Variants in METTL15 observed in about 807,000 individuals in gnomAD.
The protein encoded by METTL15 is 12S rRNA N(4)-cytidine methyltransferase METTL15.
METTL15 carries 34 observed loss-of-function variants against 38.3 expected under a neutral mutation model. That is an observed-to-expected ratio of 0.89 (90% CI 0.68 to 1.18). The LOEUF is 1.18. Among genes scored for constraint, METTL15 ranks in the 50% most tolerant of loss-of-function variants. METTL15 has a pLI of 0.00. For synonymous variants in METTL15, 162 were observed against 170.9 expected (o/e 0.95, Z 0.41); for missense variants, 438 against 498.4 (o/e 0.88, Z 1.15).
rs182848169 is a variant in METTL15 at position 28,402,559 on chromosome 11, A to C, written c.*359-21740A>C. Among the ~76,000 whole-genome samples the C allele has an allele frequency of 7.4e-4, 113 of 152,096 alleles. 3 individuals carry two copies. In the East Asian group the frequency reaches 0.02, roughly 27 times the overall value. The stretch of plus-strand genomic sequence containing the variant: ...TGACGTTCATCACTTGGAATTTCCC[A>C]AATATGGCTCTTGCTTCTGGACCCT... On this transcript the variant is annotated intron_variant and NMD_transcript_variant, in intron 5 of 7. Coordinates refer to the METTL15 transcript ENST00000532947.
chr11:28,468,313 C>T (rs193130346), intron 6 of METTL15, among the ~76,000 whole-genome samples: 2 of 152,082 alleles, frequency 1.3e-5, no homozygotes, highest in Admixed American at 6.6e-5. Context: ...TTGAGGGTAA[C>T]TCCCAGGAAA....
chr11:28,109,409 G>A (rs1851621998), intron 1 of METTL15, among the ~76,000 whole-genome samples: 1 of 152,026 alleles, frequency 6.6e-6, no homozygotes, highest in South Asian at 2.1e-4. Flanking sequence ...GACTTCCCAG[G>A]TATTTTATTA....
intron 3 of METTL15, among the ~76,000 whole-genome samples, chr11:28,158,988 G>C (rs1228970060): frequency 6.6e-6 from 1 of 152,122 alleles, no homozygotes; most frequent in Non-Finnish European, 1.5e-5. Context: ...TCAAGGGGTG[G>C]AAGTGGAAGT....
rs146714769 is a variant in METTL15 at position 28,494,556 on chromosome 11, C to T, written c.*425-31922C>T. ...CATCTTATCTCAGAAGATAACATCT[C>T]TCTGAGATGGAGAATGATATGGTTT... On this transcript the variant is annotated intron_variant and NMD_transcript_variant, in intron 6 of 7. Transcript: ENST00000532947. 9.2e-5 allele frequency among the ~76,000 whole-genome samples: 14 copies of T among 152,250 alleles called. No individual in the cohort carries two copies. The East Asian group carries it at 1.9e-3, about 21-fold the overall frequency.
chr11:28,441,279 A>T (rs1851032826), intron 6 of METTL15, among the ~76,000 whole-genome samples: 1 of 152,064 alleles, frequency 6.6e-6, no homozygotes, highest in East Asian at 1.9e-4. Context: ...GGGTTTCACC[A>T]TGTTGGCCAG....
intron 6 of METTL15, among the ~76,000 whole-genome samples, chr11:28,310,638 A>G (rs1197400010): frequency 6.6e-5 from 10 of 152,130 alleles, no homozygotes; most frequent in Admixed American, 6.5e-4. Context: ...AGTTACGGAT[A>G]CATTTGATCC....
At chr11:28,393,686 A>C (rs1047816945) in intron 5 of METTL15, among the ~76,000 whole-genome samples, 7 of 152,096 alleles carry the variant, frequency 4.6e-5, no homozygotes, top group African/African-American at 1.7e-4. Flanking sequence ...ACCAAGGCAG[A>C]AGCCATAATG....
At chr11:28,378,364 G>A (rs1850343840) in intron 5 of METTL15, among the ~76,000 whole-genome samples, 1 of 152,148 alleles carries the variant, frequency 6.6e-6, no homozygotes. Context: ...GTGGTGCATC[G>A]CTTTTTAAGC....
At chr11:28,301,721 G>A (rs1403313564) in intron 6 of METTL15, among the ~76,000 whole-genome samples, 1 of 151,996 alleles carries the variant, frequency 6.6e-6, no homozygotes, top group Non-Finnish European at 1.5e-5. Flanking sequence ...CTTTTTAAAT[G>A]TGGCTATAGA....
intron 4 of METTL15, among the ~76,000 whole-genome samples, chr11:28,212,478 T>TA (rs1237248497): frequency 2.0e-5 from 3 of 152,148 alleles, no homozygotes; most frequent in Admixed American, 1.3e-4. Flanking sequence ...TCATGAAGTA[T>TA]AGGCCTCTTT....
intron 6 of METTL15, among the ~76,000 whole-genome samples, chr11:28,471,193 C>T (rs1259652070): frequency 6.6e-6 from 1 of 152,024 alleles, no homozygotes; most frequent in Non-Finnish European, 1.5e-5. Flanking sequence ...GCCTGATTTC[C>T]TCCAGAGTAA....
At chr11:28,510,998 G>A (rs1192157611) in intron 6 of METTL15, among the ~76,000 whole-genome samples, 1 of 152,142 alleles carries the variant, frequency 6.6e-6, no homozygotes, top group East Asian at 1.9e-4. Flanking sequence ...TCTGAAGGGA[G>A]GCTAGTGATG....
downstream of METTL15, among the ~76,000 whole-genome samples, chr11:28,531,727 A>G (rs1851844208): frequency 6.6e-6 from 1 of 152,082 alleles, no homozygotes; most frequent in Admixed American, 6.6e-5. Flanking sequence ...TTATTAAATT[A>G]AAATTTAGTA....
chr11:28,462,479 TACACACACACACACACAC>T (rs10573384), intron 6 of METTL15, among the ~76,000 whole-genome samples: 89 of 146,428 alleles, frequency 6.1e-4, no homozygotes, highest in Admixed American at 8.2e-4. Flanking sequence ...CATACACGCT[TACACACACACACACACAC>T]ACACACACAC....
At chr11:28,267,382 A>G (rs534498083) in intron 4 of METTL15, among the ~76,000 whole-genome samples, 9 of 152,150 alleles carry the variant, frequency 5.9e-5, no homozygotes, top group Admixed American at 2.0e-4. Context: ...CTCCCCTTCC[A>G]GTATTTGCTG....
chr11:28,374,059 G>A (rs1032855338), intron 5 of METTL15, among the ~76,000 whole-genome samples: 1 of 152,110 alleles, frequency 6.6e-6, no homozygotes, highest in East Asian at 1.9e-4. Flanking sequence ...TGCTGTTTTG[G>A]TTACTGTAGC....
intron 6 of METTL15, among the ~76,000 whole-genome samples, chr11:28,315,986 A>G (rs577851150): frequency 1.3e-5 from 2 of 152,360 alleles, no homozygotes; most frequent in South Asian, 4.1e-4. Flanking sequence ...TTGGGCCCTC[A>G]TGGAGAACGT....
At chr11:28,382,811 G>A (rs1850402451) in intron 5 of METTL15, among the ~76,000 whole-genome samples, 2 of 151,586 alleles carry the variant, frequency 1.3e-5, no homozygotes, top group Admixed American at 1.3e-4. Flanking sequence ...CTGCAGCCTG[G>A]GCAACAAGAG....
intron 6 of METTL15, among the ~76,000 whole-genome samples, chr11:28,485,776 A>G (rs1283919255): frequency 1.3e-5 from 2 of 152,090 alleles, no homozygotes; most frequent in African/African-American, 2.4e-5. Flanking sequence ...ACAGGTGCTT[A>G]TTTCTCATAA....
Sources: gnomAD v4.1 joint callset for allele counts (sites outside exome capture counted in the v4.1 genomes callset) on GRCh38, gnomAD v4.1.1 for gene constraint, MANE v1.5 for transcripts, NCBI Gene and HGNC (gene_info 2026-07-23, HGNC 2026-07-21) for gene names.